The following LRP1B variants were observed in gnomAD, a reference collection of about 807,000 sequenced individuals.
The protein encoded by LRP1B is LDL receptor related protein 1B, also known as low-density lipoprotein receptor-related protein 1B.
LRP1B carries 217 observed loss-of-function variants against 556.6 expected under a neutral mutation model. The ratio of observed to expected loss-of-function variants is 0.39; its 90% CI spans 0.35 to 0.44. The LOEUF is 0.44. Ranked by LOEUF, LRP1B falls within the 20% of genes least tolerant of loss-of-function variation. LRP1B has a pLI of 1.00. For synonymous variants in LRP1B, 2,047 were observed against 1,865.8 expected (o/e 1.10, Z -2.50); for missense variants, 5,053 against 5,620.8 (o/e 0.90, Z 3.23).
intron 2 of LRP1B, among the ~76,000 whole-genome samples, chr2:141,629,241 A>T (rs1688818363): frequency 1.3e-5 from 2 of 152,212 alleles, no homozygotes; most frequent in African/African-American, 4.8e-5. Flanking sequence ...CTAAAGGGGA[A>T]AAAGAAAGGA....
chr2:141,934,631 A>T (rs2105001559), intron 1 of LRP1B, among the ~76,000 whole-genome samples: 1 of 152,260 alleles, frequency 6.6e-6, no homozygotes, highest in African/African-American at 2.4e-5. Flanking sequence ...GGGAGGGACC[A>T]GGTGGAGATA....
At chr2:141,501,674 T>C (rs1325025089) in intron 2 of LRP1B, among the ~76,000 whole-genome samples, 5 of 152,182 alleles carry the variant, frequency 3.3e-5, no homozygotes, top group Admixed American at 6.5e-5. Flanking sequence ...AGCTATATAC[T>C]GTAATTAACA....
intron 2 of LRP1B, among the ~76,000 whole-genome samples, chr2:141,790,055 G>A (rs886423613): frequency 5.3e-5 from 8 of 151,800 alleles, no homozygotes; most frequent in Admixed American, 1.3e-4. Context: ...CATTAACAAC[G>A]TCCTCCTACT....
chr2:140,520,753 T>C (rs1478002018), intron 49 of LRP1B, among the ~76,000 whole-genome samples: 15 of 88,804 alleles, frequency 1.7e-4, no homozygotes, highest in Non-Finnish European at 2.7e-4. Flanking sequence ...GCAAGAATAC[T>C]CAACAAAACC....
intron 41 of LRP1B, among the ~76,000 whole-genome samples, chr2:140,645,705 A>T (rs1684459027): frequency 6.6e-6 from 1 of 151,276 alleles, no homozygotes; most frequent in African/African-American, 2.4e-5. Flanking sequence ...CGCCCGGCTA[A>T]TTTTTTGTAT....
In LRP1B at chr2:141,517,029, A is replaced by AAAAAAAAAAAAAAAAAAC. The variant is rs772472942; in HGVS notation, c.206-36497_206-36496insGTTTTTTTTTTTTTTTTT. Among the ~76,000 whole-genome samples the AAAAAAAAAAAAAAAAAAC allele has an allele frequency of 2.0e-4, 18 of 90,174 alleles. 1 individual carries two copies. Among genetic ancestry groups the AAAAAAAAAAAAAAAAAAC allele is most frequent in the Non-Finnish European group, 3.2e-4 (15 of 46,904 alleles). 59.2% of individuals were successfully genotyped at this position (90,174 alleles called of 152,430 possible). A position where few individuals can be genotyped will look rare whatever the true frequency, so the allele number is the denominator to read the frequency against. ...TAAAAAAAAAAAAAAAAAAAAAAAA[A>AAAAAAAAAAAAAAAAAAC]AAAGTAAATCAATGAAATAATTTAA... On this transcript the variant is annotated intron_variant, in intron 2 of 90. Coordinates refer to ENST00000389484, the MANE Select transcript of LRP1B (RefSeq NM_018557.3).
At chr2:140,575,850 A>G (rs1164302571) in intron 43 of LRP1B, among the ~76,000 whole-genome samples, 2 of 151,906 alleles carry the variant, frequency 1.3e-5, no homozygotes, top group Non-Finnish European at 2.9e-5. Context: ...TGAACCCTGA[A>G]GGTGGAGGTT....
chr2:141,454,469 C>T (rs1252192035), intron 3 of LRP1B, among the ~76,000 whole-genome samples: 1 of 152,052 alleles, frequency 6.6e-6, no homozygotes, highest in Non-Finnish European at 1.5e-5. Context: ...TACTATGGGC[C>T]CACTTACATG....
intron 77 of LRP1B, among the ~76,000 whole-genome samples, chr2:140,342,053 T>C (rs956183963): frequency 1.3e-5 from 2 of 151,452 alleles, no homozygotes; most frequent in South Asian, 2.1e-4. Flanking sequence ...ATGGCTATTA[T>C]TAAAACATCA....
chr2:141,150,705 T>C (rs2222232), intron 7 of LRP1B, among the ~76,000 whole-genome samples: 86,910 of 152,060 alleles, frequency 0.57, 25,987 homozygotes, highest in Middle Eastern at 0.73. Flanking sequence ...CCAAAAGCCT[T>C]AAGTGACTTC....
chr2:141,411,942 A>C (rs946768788), intron 3 of LRP1B, among the ~76,000 whole-genome samples: 8 of 152,224 alleles, frequency 5.3e-5, no homozygotes, highest in Admixed American at 2.0e-4. Context: ...GAATATAAAT[A>C]GAACAAAGTC....
chr2:141,999,924 G>A (rs2969315), intron 1 of LRP1B, among the ~76,000 whole-genome samples: 8,411 of 151,222 alleles, frequency 0.056, 769 homozygotes, highest in African/African-American at 0.19. Context: ...TTTTATGCCA[G>A]TGTGAAATTC....
chr2:141,788,040 C>T lies in LRP1B; in HGVS notation c.205+22239G>A, dbSNP rs576718217. 3.3e-5 allele frequency among the ~76,000 whole-genome samples: 5 copies of T among 152,072 alleles called. No homozygotes were observed. In the East Asian group the frequency reaches 9.7e-4, roughly 29 times the overall value. On this transcript the variant is annotated intron_variant, in intron 2 of 90. Transcript: ENST00000389484. ...AAGACTTATTATTTGGTTAGTTTTT[C>T]ATAACTGGTAGGAAGTACCTAATCT...
intron 84 of LRP1B, among the ~76,000 whole-genome samples, chr2:140,275,002 G>A (rs776746899): frequency 3.3e-5 from 5 of 151,984 alleles, no homozygotes; most frequent in Non-Finnish European, 5.9e-5. Flanking sequence ...AGAGAACAGA[G>A]TAATGTTTGG....
chr2:141,778,949 G>T (rs1169839366), intron 2 of LRP1B, among the ~76,000 whole-genome samples: 1 of 152,158 alleles, frequency 6.6e-6, no homozygotes, highest in African/African-American at 2.4e-5. Context: ...TGGACAGGTA[G>T]GGAAAAAGAT....
chr2:141,070,318 C>G (rs997563194), intron 7 of LRP1B, among the ~76,000 whole-genome samples: 4 of 149,880 alleles, frequency 2.7e-5, no homozygotes, highest in African/African-American at 9.8e-5. Context: ...AGAACAAAGA[C>G]ACAACATACC....
At chr2:141,541,092 C>T (rs1237151829) in intron 2 of LRP1B, among the ~76,000 whole-genome samples, 1 of 151,882 alleles carries the variant, frequency 6.6e-6, no homozygotes. Context: ...TATAACAAAA[C>T]ATGAATAACA....
At chr2:141,924,044 A>G (rs528180699) in intron 1 of LRP1B, among the ~76,000 whole-genome samples, 2 of 152,100 alleles carry the variant, frequency 1.3e-5, no homozygotes. Context: ...CTCCAATCTC[A>G]AGTCTGGAGG....
chr2:142,020,153 G>A (rs1214501454), intron 1 of LRP1B, among the ~76,000 whole-genome samples: 4 of 152,110 alleles, frequency 2.6e-5, no homozygotes, highest in East Asian at 3.9e-4. Context: ...ATCAAGGAAC[G>A]GGTAGATATA....
Sources: allele counts gnomAD v4.1 joint callset (sites outside exome capture counted in the v4.1 genomes callset), GRCh38; gene constraint gnomAD v4.1.1; transcripts MANE v1.5; gene names NCBI Gene and HGNC (gene_info 2026-07-23, HGNC 2026-07-21).